Variants in FAM184A observed in about 807,000 individuals in gnomAD.
The protein encoded by FAM184A is family with sequence similarity 184 member A.
In FAM184A, 99 loss-of-function variants were observed where a neutral mutation model predicts 143.8. The ratio of observed to expected loss-of-function variants is 0.69; its 90% CI spans 0.58 to 0.81. The LOEUF is 0.81. Ranked by LOEUF, FAM184A falls within the 40% of genes least tolerant of loss-of-function variation. FAM184A has a pLI of 0.00. For missense variants in FAM184A, 1,217 were observed against 1,310.5 expected (o/e 0.93, Z 1.10); for synonymous variants, 427 against 446.4 (o/e 0.96, Z 0.55).
intron 4 of FAM184A, 100 bp downstream of exon 4, chr6:119,019,878 T>C (rs1785383482): frequency 9.4e-7 from 1 of 1,061,422 alleles, no homozygotes; most frequent in Non-Finnish European, 1.3e-6. Context: ...GGAAATGTAT[T>C]GTTACTGGGG....
chr6:119,002,125 A>C (rs1784779586), intron 9 of FAM184A, among the ~76,000 whole-genome samples: 1 of 152,172 alleles, frequency 6.6e-6, no homozygotes, highest in African/African-American at 2.4e-5. Flanking sequence ...TCTTACAAAA[A>C]GTCTATCCTA....
At chr6:119,019,638 T>C (rs1202992061) in intron 4 of FAM184A, among the ~76,000 whole-genome samples, 1 of 152,236 alleles carries the variant, frequency 6.6e-6, no homozygotes, top group Non-Finnish European at 1.5e-5. Context: ...ATTTCCTACA[T>C]GGATATGCAG....
intron 5 of FAM184A, 109 bp downstream of exon 5, chr6:119,016,638 G>A (rs112018659): frequency 2.1e-5 from 19 of 889,860 alleles, no homozygotes; most frequent in Middle Eastern, 2.9e-4. Context: ...GCGGGGGTCC[G>A]TGGGTTTATT....
chr6:119,111,052 T>C (rs1788917969), intron 1 of FAM184A, among the ~76,000 whole-genome samples: 1 of 152,154 alleles, frequency 6.6e-6, no homozygotes, highest in Non-Finnish European at 1.5e-5. Context: ...TTACTTAAAA[T>C]TGAAGTTTCT....
chr6:119,126,649 G>T (rs1422786294), intron 1 of FAM184A, among the ~76,000 whole-genome samples: 2 of 152,194 alleles, frequency 1.3e-5, no homozygotes, highest in Non-Finnish European at 2.9e-5. Context: ...TGCTCTTTTA[G>T]TTTTGCTGTC....
chr6:119,042,238 T>C (rs932347736), intron 1 of FAM184A, among the ~76,000 whole-genome samples: 4 of 152,174 alleles, frequency 2.6e-5, no homozygotes, highest in African/African-American at 9.7e-5. Flanking sequence ...TCATCCAGGA[T>C]AATGGGAAGA....
Position 119,065,900 on chromosome 6 carries a change from C to T in FAM184A, c.159+12241G>A, listed in dbSNP as rs78264376. On this transcript the variant is annotated intron_variant, in intron 1 of 17. Transcript: ENST00000338891. Reference sequence around the variant, plus strand: ...TCTGCCAAGGGTGATCTATTTAAGACACAGAAAAGCAGTAGTACATGAGAG... The same window carrying T: ...TCTGCCAAGGGTGATCTATTTAAGATACAGAAAAGCAGTAGTACATGAGAG... Among the ~76,000 whole-genome samples, 570 of 152,290 alleles carry T rather than the reference C, an allele frequency of 3.7e-3. 4 individuals carry two copies. The highest frequency in any genetic ancestry group is 0.013 in the African/African-American group (537 of 41,560).
At chr6:119,043,630 C>T (rs180855338) in intron 1 of FAM184A, among the ~76,000 whole-genome samples, 3 of 152,318 alleles carry the variant, frequency 2.0e-5, no homozygotes, top group Middle Eastern at 3.4e-3. Flanking sequence ...TCTACCCCTG[C>T]CCCACCTCGG....
intron 1 of FAM184A, among the ~76,000 whole-genome samples, chr6:119,045,545 A>C (rs898261319): frequency 5.3e-5 from 8 of 152,146 alleles, no homozygotes; most frequent in African/African-American, 1.7e-4. Context: ...TTAACAGCAG[A>C]TTTTTCTTCT....
intron 1 of FAM184A, among the ~76,000 whole-genome samples, chr6:119,084,905 G>A (rs1788175695): frequency 6.6e-6 from 1 of 152,220 alleles, no homozygotes; most frequent in Non-Finnish European, 1.5e-5. Flanking sequence ...GGAGCCCTTT[G>A]AGCCAAAACT....
At chr6:119,015,889 A>G (rs1785232099) in intron 5 of FAM184A, among the ~76,000 whole-genome samples, 3 of 152,248 alleles carry the variant, frequency 2.0e-5, no homozygotes, top group Non-Finnish European at 2.9e-5. Flanking sequence ...GAGTGCACCA[A>G]TCGACACTCT....
intron 1 of FAM184A, among the ~76,000 whole-genome samples, chr6:119,132,397 G>C (rs1317669901): frequency 6.6e-6 from 1 of 152,158 alleles, no homozygotes; most frequent in Non-Finnish European, 1.5e-5. Flanking sequence ...AGCTGGCTTG[G>C]CTAGAGGACA....
intron 1 of FAM184A, among the ~76,000 whole-genome samples, chr6:119,095,514 G>A (rs1788481965): frequency 6.6e-6 from 1 of 152,056 alleles, no homozygotes; most frequent in Non-Finnish European, 1.5e-5. Context: ...CTCTCAGAGA[G>A]GATATTATAA....
intron 1 of FAM184A, among the ~76,000 whole-genome samples, chr6:119,033,527 T>C (rs1413179132): frequency 6.6e-6 from 1 of 151,378 alleles, no homozygotes; most frequent in Non-Finnish European, 1.5e-5. Flanking sequence ...TATCTGGGCG[T>C]AGTGGCAGGT....
chr6:119,062,124 A>G (rs1230112520), intron 1 of FAM184A, among the ~76,000 whole-genome samples: 1 of 152,184 alleles, frequency 6.6e-6, no homozygotes, highest in Non-Finnish European at 1.5e-5. Context: ...AGAGGTGATC[A>G]GGGTTAGCCT....
intron 1 of FAM184A, among the ~76,000 whole-genome samples, chr6:119,050,061 C>G (rs1562128127): frequency 2.6e-5 from 4 of 152,060 alleles, no homozygotes; most frequent in Non-Finnish European, 5.9e-5. Flanking sequence ...ATGCAGTGAA[C>G]CAGCATACGA....
At chr6:119,101,019 A>G (rs1312099164) in intron 1 of FAM184A, among the ~76,000 whole-genome samples, 1 of 151,890 alleles carries the variant, frequency 6.6e-6, no homozygotes, top group Non-Finnish European at 1.5e-5. Flanking sequence ...TATAGGCTCT[A>G]TGAAAATAGT....
intron 1 of FAM184A, among the ~76,000 whole-genome samples, chr6:119,142,026 T>C (rs1772255331): frequency 6.6e-6 from 1 of 152,244 alleles, no homozygotes; most frequent in South Asian, 2.1e-4. Context: ...TGTTTGAGAA[T>C]GGTTATTCCT....
chr6:119,006,250 A>G (rs1376238531), intron 7 of FAM184A, 197 bp downstream of exon 7: 1 of 751,526 alleles, frequency 1.3e-6, no homozygotes, highest in East Asian at 2.5e-5. Context: ...TTGATGTTGG[A>G]CTTCTAGCCT....
Sources: allele counts gnomAD v4.1 joint callset (sites outside exome capture counted in the v4.1 genomes callset), GRCh38; gene constraint gnomAD v4.1.1; transcripts MANE v1.5; gene names NCBI Gene and HGNC (gene_info 2026-07-23, HGNC 2026-07-21).